CADM1: variants seen among roughly 807,000 people sequenced by gnomAD.
CADM1 encodes TSLC-1.
CADM1 carries 15 observed loss-of-function variants against 53.1 expected under a neutral mutation model. The ratio of observed to expected loss-of-function variants is 0.28; its 90% CI spans 0.19 to 0.44. The LOEUF is 0.44. CADM1 is among the 20% of genes least tolerant of loss of function. The pLI, the probability that CADM1 is intolerant of heterozygous loss-of-function variation, is 1.00. For missense variants in CADM1, 434 were observed against 611.3 expected (o/e 0.71, Z 3.06); for synonymous variants, 281 against 243.0 (o/e 1.16, Z -1.45).
chr11:115,176,618 G>A (rs201433529), intron 11 of CADM1, 26 bp from the exon 12 acceptor site: 187 of 1,580,468 alleles, frequency 1.2e-4, no homozygotes, highest in Non-Finnish European at 1.6e-4. Context: ...GTAAAGCACC[G>A]TGACTGTCTG....
intron 1 of CADM1, among the ~76,000 whole-genome samples, chr11:115,382,401 G>T (rs1270797169): frequency 6.6e-6 from 1 of 152,108 alleles, no homozygotes; most frequent in Non-Finnish European, 1.5e-5. Context: ...CAGCTTAAGG[G>T]CTGTGCAGAT....
chr11:115,322,425 T>C (rs1361668350), intron 1 of CADM1, among the ~76,000 whole-genome samples: 1 of 152,220 alleles, frequency 6.6e-6, no homozygotes, highest in African/African-American at 2.4e-5. Flanking sequence ...AATTCATATA[T>C]CACAGAACTC....
intron 1 of CADM1, among the ~76,000 whole-genome samples, chr11:115,414,410 A>C (rs1482405349): frequency 2.0e-5 from 3 of 152,210 alleles, no homozygotes; most frequent in African/African-American, 7.2e-5. Context: ...ACAACAGTCT[A>C]TCTCTGTCCA....
intron 1 of CADM1, among the ~76,000 whole-genome samples, chr11:115,393,680 T>G (rs1442312629): frequency 6.6e-6 from 1 of 152,092 alleles, no homozygotes; most frequent in East Asian, 1.9e-4. Flanking sequence ...AATTATCTCA[T>G]TAAAATTTGT....
intron 8 of CADM1, among the ~76,000 whole-genome samples, chr11:115,204,294 C>A (rs922654434): frequency 1.3e-5 from 2 of 152,162 alleles, no homozygotes; most frequent in Non-Finnish European, 2.9e-5. Context: ...TGGCACAGAC[C>A]AAAGTCCACT....
intron 1 of CADM1, 78 bp downstream of exon 1, chr11:115,504,193 C>T: frequency 6.5e-7 from 1 of 1,545,244 alleles, no homozygotes; most frequent in East Asian, 2.4e-5. Flanking sequence ...GTCATGGAAA[C>T]GTTTCCCCCC....
At position 115,398,727 on chromosome 11, in the gene CADM1, G is replaced by T. The variant is rs556063772; in HGVS notation, c.124+105544C>A. 1.6e-4 allele frequency among the ~76,000 whole-genome samples: 24 copies of T among 152,156 alleles called. No individual in the cohort carries two copies. The South Asian group carries it at 5.0e-3, about 32-fold the overall frequency. ...ATTTATTTACAGGGATTCCACTAAGGCCACTTGTGAAACAATATCTAAGCC... is the reference window on the plus strand; with the variant it reads ...ATTTATTTACAGGGATTCCACTAAGTCCACTTGTGAAACAATATCTAAGCC... On this transcript the variant is annotated intron_variant, in intron 1 of 11. Transcript: ENST00000331581.
At chr11:115,409,697 C>T (rs1484065149) in intron 1 of CADM1, among the ~76,000 whole-genome samples, 1 of 151,374 alleles carries the variant, frequency 6.6e-6, no homozygotes, top group Non-Finnish European at 1.5e-5. Context: ...CCTTGACCCT[C>T]AAGACGATCT....
At chr11:115,413,508 A>T (rs575277261) in intron 1 of CADM1, among the ~76,000 whole-genome samples, 1 of 152,332 alleles carries the variant, frequency 6.6e-6, no homozygotes, top group East Asian at 1.9e-4. Context: ...TCTATGAGGA[A>T]GATATGATAA....
chr11:115,404,442 C>T (rs1180452213), intron 1 of CADM1, among the ~76,000 whole-genome samples: 59 of 123,010 alleles, frequency 4.8e-4, no homozygotes, highest in African/African-American at 1.7e-3. Context: ...AAAAGTAAAA[C>T]GCAAACTTTT....
chr11:115,418,624 A>T (rs1947672222), intron 1 of CADM1, among the ~76,000 whole-genome samples: 1 of 152,174 alleles, frequency 6.6e-6, no homozygotes, highest in Non-Finnish European at 1.5e-5. Flanking sequence ...GTCAGAGTTT[A>T]TACATATTAA....
chr11:115,429,634 T>C lies in CADM1; in HGVS notation c.124+74637A>G, dbSNP rs11215552. 5.1e-3 allele frequency among the ~76,000 whole-genome samples: 772 copies of C among 152,022 alleles called. 6 individuals are homozygous for C. The highest frequency in any genetic ancestry group is 0.018 in the African/African-American group (735 of 41,478). ...GCCGAAGTCATTTATTTAAGTAACA[T>C]TGAAATCAAACATTGTTTTTCAAAG... On this transcript the variant is annotated intron_variant, in intron 1 of 11. Coordinates refer to ENST00000331581, the MANE Select transcript of CADM1 (RefSeq NM_001301043.2).
At chr11:115,491,307 T>C (rs1490133482) in intron 1 of CADM1, among the ~76,000 whole-genome samples, 1 of 152,190 alleles carries the variant, frequency 6.6e-6, no homozygotes, top group Non-Finnish European at 1.5e-5. Context: ...GGCTCATGCC[T>C]GTAATCCCAG....
chr11:115,443,074 C>G (rs1417050249), intron 1 of CADM1, among the ~76,000 whole-genome samples: 1 of 152,166 alleles, frequency 6.6e-6, no homozygotes, highest in Non-Finnish European at 1.5e-5. Context: ...GTACCTCTTT[C>G]ATTGAAAATT....
At chr11:115,416,851 G>A (rs1194545852) in intron 1 of CADM1, among the ~76,000 whole-genome samples, 1 of 152,078 alleles carries the variant, frequency 6.6e-6, no homozygotes, top group African/African-American at 2.4e-5. Flanking sequence ...TCAAACTATT[G>A]ATATAATTAT....
At chr11:115,432,904 G>A (rs1321030655) in intron 1 of CADM1, among the ~76,000 whole-genome samples, 2 of 152,112 alleles carry the variant, frequency 1.3e-5, no homozygotes, top group African/African-American at 2.4e-5. Context: ...TTTTCCTCTC[G>A]GATTCACAGA....
intron 1 of CADM1, among the ~76,000 whole-genome samples, chr11:115,355,306 C>A (rs1453025226): frequency 6.6e-6 from 1 of 152,020 alleles, no homozygotes; most frequent in Non-Finnish European, 1.5e-5. Context: ...ATATCCTTGG[C>A]AGGAACATGA....
At chr11:115,448,005 A>C (rs1196224806) in intron 1 of CADM1, among the ~76,000 whole-genome samples, 1 of 152,128 alleles carries the variant, frequency 6.6e-6, no homozygotes, top group Non-Finnish European at 1.5e-5. Context: ...CAAGTCCCTC[A>C]TTATTCCAAT....
At chr11:115,435,307 C>A (rs1163771563) in intron 1 of CADM1, among the ~76,000 whole-genome samples, 1 of 152,160 alleles carries the variant, frequency 6.6e-6, no homozygotes, top group African/African-American at 2.4e-5. Flanking sequence ...CAAACTATGG[C>A]CTACAGGTCA....
Sources: allele counts gnomAD v4.1 joint callset (sites outside exome capture counted in the v4.1 genomes callset), GRCh38; gene constraint gnomAD v4.1.1; transcripts MANE v1.5; gene names NCBI Gene and HGNC (gene_info 2026-07-23, HGNC 2026-07-21).